Variants in SLC9A7 observed in about 807,000 individuals in gnomAD.
SLC9A7 encodes sodium/hydrogen exchanger 7.
SLC9A7 carries 19 observed loss-of-function variants against 52.6 expected under a neutral mutation model. The observed-to-expected ratio is 0.36, with a 90% CI of 0.25 to 0.53. The LOEUF is 0.53. SLC9A7 is among the 20% of genes least tolerant of loss of function. The pLI is 0.91. For synonymous variants in SLC9A7, 226 were observed against 252.1 expected (o/e 0.90, Z 0.98); for missense variants, 455 against 597.9 (o/e 0.76, Z 2.49).
intron 1 of SLC9A7, among the ~76,000 whole-genome samples, chrX:46,686,788 T>C (rs1165165274): frequency 8.9e-6 from 1 of 111,808 alleles, no homozygotes; most frequent in African/African-American, 3.3e-5. Context: ...AAAGAGACAA[T>C]CACTGATTTC....
chrX:46,713,284 G>A (rs923312122), intron 1 of SLC9A7, among the ~76,000 whole-genome samples: 1 of 110,286 alleles, frequency 9.1e-6, no homozygotes, highest in Non-Finnish European at 1.9e-5. Flanking sequence ...TGGATCATCT[G>A]AGCTCAGGAG....
intron 1 of SLC9A7, among the ~76,000 whole-genome samples, chrX:46,746,437 C>G (rs1228501451): frequency 9.1e-6 from 1 of 110,420 alleles, no homozygotes. Context: ...GGAGCTCAAA[C>G]AACTTAACAG....
In SLC9A7 at chrX:46,607,030, C is replaced by A; in HGVS notation, c.2103G>T (p.Glu701Asp). The A allele has an allele frequency of 8.3e-7, 1 of 1,211,717 alleles. No homozygotes were observed. Among genetic ancestry groups the A allele is most frequent in the Middle Eastern group, 2.3e-4 (1 of 4,355 alleles). ...RTKSSSEEVL[E>D]RDLGMGDQKV... ...TCTGGTCTCCCATTCCCAGGTCTCG[C>A]TCCAGCACTTCCTCCGAGCTGCTCT... Residue 701 changes from glutamate (E) to aspartate (D), a missense_variant, in exon 17 of 17, where the codon GAG becomes GAT. Transcript: ENST00000616978.
At chrX:46,653,480 T>C in intron 8 of SLC9A7, 129 bp downstream of exon 8, 1 of 434,519 alleles carries the variant, frequency 2.3e-6, no homozygotes, top group Non-Finnish European at 4.1e-6. Flanking sequence ...TCAGCAATCC[T>C]CCATACGGAC....
chrX:46,743,420 G>C (rs187252816), intron 1 of SLC9A7, among the ~76,000 whole-genome samples: 9 of 112,192 alleles, frequency 8.0e-5, no homozygotes, highest in East Asian at 2.8e-4. Context: ...CAATAAGAAC[G>C]CCTGATCAGC....
chrX:46,611,360 G>A (rs777810565), intron 16 of SLC9A7, among the ~76,000 whole-genome samples: 3 of 112,348 alleles, frequency 2.7e-5, no homozygotes, highest in Middle Eastern at 4.2e-3. Context: ...TACAAACTGG[G>A]AGCAGTTCTA....
At chrX:46,740,450 AAT>A (rs1365135932) in intron 1 of SLC9A7, among the ~76,000 whole-genome samples, 2 of 111,813 alleles carry the variant, frequency 1.8e-5, no homozygotes, top group African/African-American at 6.5e-5. Context: ...CAAATGACAT[AAT>A]CTTATATTTA....
intron 14 of SLC9A7, among the ~76,000 whole-genome samples, chrX:46,628,974 G>A (rs971938651): frequency 2.7e-5 from 3 of 112,708 alleles, no homozygotes; most frequent in Non-Finnish European, 3.7e-5. Context: ...GCACAAGGGC[G>A]TGAGTCATTT....
In SLC9A7 at chrX:46,738,779, AAAC is replaced by A. The variant is rs200001124; in HGVS notation, c.325+19923_325+19925del. ...AGCAAGACTCCATCTCAAAAAAAAAAAACAAAACAAACAAACAAACACCAAATA... is the reference window on the plus strand; with the variant it reads ...AGCAAGACTCCATCTCAAAAAAAAAAAAAACAAACAAACAAACACCAAATA... On this transcript the variant is annotated intron_variant, in intron 1 of 16. Coordinates refer to ENST00000616978, the MANE Select transcript of SLC9A7 (RefSeq NM_001257291.2). 4.3e-3 allele frequency among the ~76,000 whole-genome samples: 476 copies of A among 109,777 alleles called. 2 individuals are homozygous for A. Among genetic ancestry groups the A allele is most frequent in the African/African-American group, 0.015 (457 of 30,119 alleles).
intron 2 of SLC9A7, among the ~76,000 whole-genome samples, chrX:46,680,952 A>G (rs1383807664): frequency 1.8e-5 from 2 of 112,252 alleles, no homozygotes; most frequent in African/African-American, 6.5e-5. Context: ...TACCTACCCA[A>G]TATGAGGACA....
At chrX:46,699,425 T>C (rs987777130) in intron 1 of SLC9A7, among the ~76,000 whole-genome samples, 2 of 111,437 alleles carry the variant, frequency 1.8e-5, no homozygotes, top group African/African-American at 6.5e-5. Flanking sequence ...GAGGTGCTCA[T>C]TGAAAACTAG....
At chrX:46,661,980 A>G (rs768837327) in intron 7 of SLC9A7, 36 bp downstream of exon 7, 2 of 1,147,387 alleles carry the variant, frequency 1.7e-6, no homozygotes, top group Non-Finnish European at 2.3e-6. Flanking sequence ...CCACACACGC[A>G]TACCCAGGCC....
At chrX:46,623,420 T>A (rs1314290955) in intron 14 of SLC9A7, among the ~76,000 whole-genome samples, 3 of 111,819 alleles carry the variant, frequency 2.7e-5, no homozygotes, top group African/African-American at 9.8e-5. Context: ...GCCTGGAGCA[T>A]TCTTTTTTCC....
In SLC9A7 at chrX:46,731,432, T is replaced by TATATAAAAAAAAAAAAAAAAAA. The variant is rs748259550; in HGVS notation, c.325+27272_325+27273insTTTTTTTTTTTTTTTTTTATAT. 2.2e-4 allele frequency among the ~76,000 whole-genome samples: 17 copies of TATATAAAAAAAAAAAAAAAAAA among 78,263 alleles called. 1 individual carries two copies. Among genetic ancestry groups the TATATAAAAAAAAAAAAAAAAAA allele is most frequent in the Non-Finnish European group, 3.7e-4 (14 of 37,740 alleles). 68.0% of individuals were successfully genotyped at this position (78,263 alleles called of 115,157 possible). A position where few individuals can be genotyped will look rare whatever the true frequency, so the allele number is the denominator to read the frequency against. On this transcript the variant is annotated intron_variant, in intron 1 of 16. Transcript: ENST00000616978. ...CATAGCCATACTCCATATAAAAAAT[T>TATATAAAAAAAAAAAAAAAAAA]AAAAAAAATTAAAATTAAAATTAGC...
intron 1 of SLC9A7, among the ~76,000 whole-genome samples, chrX:46,729,064 C>T (rs1001344453): frequency 3.6e-5 from 4 of 111,683 alleles, no homozygotes; most frequent in African/African-American, 9.8e-5. Flanking sequence ...CACAAGTGTA[C>T]GCAGTGTCAA....
intron 1 of SLC9A7, among the ~76,000 whole-genome samples, chrX:46,698,062 C>T (rs956970451): frequency 8.9e-6 from 1 of 111,774 alleles, no homozygotes; most frequent in Non-Finnish European, 1.9e-5. Context: ...ATCTCAAAAC[C>T]CTGTCTCCTG....
intron 1 of SLC9A7, among the ~76,000 whole-genome samples, chrX:46,711,030 AC>A (rs1244451572): frequency 8.9e-6 from 1 of 112,893 alleles, no homozygotes; most frequent in Admixed American, 9.3e-5. Context: ...AGAGACAGTC[AC>A]CCAGGCTGCT....
At chrX:46,700,108 A>G (rs1347949088) in intron 1 of SLC9A7, among the ~76,000 whole-genome samples, 14 of 111,121 alleles carry the variant, frequency 1.3e-4, no homozygotes, top group African/African-American at 4.6e-4. Context: ...GTCTCAAAAA[A>G]AAAAAAAAAT....
At chrX:46,738,900 T>C (rs1159040027) in intron 1 of SLC9A7, among the ~76,000 whole-genome samples, 1 of 111,683 alleles carries the variant, frequency 9.0e-6, no homozygotes, top group African/African-American at 3.3e-5. Context: ...GGTATCACTG[T>C]TAATGTGGCT....
Sources: allele counts gnomAD v4.1 joint callset (sites outside exome capture counted in the v4.1 genomes callset), GRCh38; gene constraint gnomAD v4.1.1; transcripts MANE v1.5; gene names NCBI Gene and HGNC (gene_info 2026-07-23, HGNC 2026-07-21).